CASD1: variants seen among roughly 807,000 people sequenced by gnomAD.
CASD1 encodes N-acetylneuraminate (7)9-O-acetyltransferase.
A neutral mutation model predicts 100.0 loss-of-function variants in CASD1; 41 were observed. The observed-to-expected ratio is 0.41, with a 90% CI of 0.32 to 0.53. The LOEUF is 0.53. Ranked by LOEUF, CASD1 falls within the 20% of genes least tolerant of loss-of-function variation. The pLI, the probability that CASD1 is intolerant of heterozygous loss-of-function variation, is 0.25. For synonymous variants in CASD1, 321 were observed against 315.6 expected (o/e 1.02, Z -0.18); for missense variants, 774 against 948.7 (o/e 0.82, Z 2.42).
intron 1 of CASD1, among the ~76,000 whole-genome samples, chr7:94,512,473 C>A (rs931814171): frequency 6.6e-6 from 1 of 152,140 alleles, no homozygotes; most frequent in Non-Finnish European, 1.5e-5. Context: ...AGAGTGAATG[C>A]AGTTTGGATA....
chr7:94,628,031 G>A, the CASD1 span: 1 of 560,874 alleles, frequency 1.8e-6, no homozygotes, highest in East Asian at 2.8e-5. Flanking sequence ...TATAAACAGA[G>A]AAGAATGGCA....
chr7:94,576,647 T>A, the CASD1 span, among the ~76,000 whole-genome samples: 2 of 152,202 alleles, frequency 1.3e-5, no homozygotes, highest in Non-Finnish European at 2.9e-5. Context: ...AAACTCTTGA[T>A]ACCAAGGCTT....
chr7:94,604,940 A>G, the CASD1 span, among the ~76,000 whole-genome samples: 4 of 149,648 alleles, frequency 2.7e-5, no homozygotes, highest in East Asian at 1.9e-4. Flanking sequence ...TGAGAAGCAT[A>G]TGTGAAATTC....
rs928795433 is a variant in CASD1 at position 94,532,698 on chromosome 7, T to C, written c.460-507T>C. 2.0e-5 allele frequency among the ~76,000 whole-genome samples: 3 copies of C among 152,204 alleles called. No homozygotes were observed. In the East Asian group the frequency reaches 5.8e-4, roughly 29 times the overall value. ...TTTGGTGAGGATTTTTAGGGATCTC[T>C]ACTTATATTTTTCCACATGTGGTCT... On this transcript the variant is annotated intron_variant, in intron 5 of 17. Coordinates refer to ENST00000297273, the MANE Select transcript of CASD1 (RefSeq NM_022900.5).
chr7:94,555,873 A>G lies in CASD1; in HGVS notation c.*115A>G, dbSNP rs1204689690. 9.4e-6 allele frequency: 10 copies of G among 1,069,518 alleles called. No individual in the cohort carries two copies. In the East Asian group the frequency reaches 1.2e-4, roughly 13 times the overall value. The allele number at this position is 1,069,518 out of a possible 1,614,324, so 66.3% of individuals were successfully genotyped here. A position where few individuals can be genotyped will look rare whatever the true frequency, so the allele number is the denominator to read the frequency against. On this transcript the variant is annotated 3_prime_UTR_variant, in exon 18 of 18. Coordinates refer to ENST00000297273, the MANE Select transcript of CASD1 (RefSeq NM_022900.5). ...TATGTAAATATAAACGTTTGTGGCA[A>G]GAGGACAGTTCTGTGACATCTGTTG... is the stretch of plus-strand genomic sequence containing the variant.
At chr7:94,569,451 C>A in the CASD1 span, among the ~76,000 whole-genome samples, 1 of 152,068 alleles carries the variant, frequency 6.6e-6, no homozygotes, top group Non-Finnish European at 1.5e-5. Flanking sequence ...TTTCAGAAAT[C>A]TGAGTATATT....
chr7:94,611,781 A>G, the CASD1 span, among the ~76,000 whole-genome samples: 1 of 152,156 alleles, frequency 6.6e-6, no homozygotes, highest in Non-Finnish European at 1.5e-5. Context: ...TGTGTTCGAG[A>G]ATATGTTCAC....
downstream of CASD1, among the ~76,000 whole-genome samples, chr7:94,559,308 G>GTGTGTGGGTGTGTA (rs1554417428): frequency 4.0e-5 from 5 of 123,764 alleles, no homozygotes; most frequent in East Asian, 1.4e-3. Context: ...GTGTGTGTAT[G>GTGTGTGGGTGTGTA]TGTGTGTGTG....
At chr7:94,530,767 G>T (rs996608732) in intron 5 of CASD1, among the ~76,000 whole-genome samples, 5 of 152,062 alleles carry the variant, frequency 3.3e-5, no homozygotes, top group Non-Finnish European at 7.4e-5. Context: ...AATAGGCAGA[G>T]AATTTAGAGA....
rs539788183 is a variant in CASD1, at chr7:94,516,235, A to G, written c.134-1325A>G. On this transcript the variant is annotated intron_variant, in intron 1 of 17. Transcript: ENST00000297273. Reference sequence around the variant, plus strand: ...CCCTGCTTTCCTTAACCAGTTTCCCATCAATAAGATAATGCAACATTTTAA... The same window carrying G: ...CCCTGCTTTCCTTAACCAGTTTCCCGTCAATAAGATAATGCAACATTTTAA... Among the ~76,000 whole-genome samples the G allele has an allele frequency of 6.6e-5, 10 of 152,174 alleles. No individual in the cohort carries two copies. In the South Asian group the frequency reaches 2.1e-3, roughly 32 times the overall value.
At position 94,510,071 on chromosome 7, in the gene CASD1, A is replaced by G; in HGVS notation, c.-14A>G. ...TCCCGCTCCGCCGCGCACTGTTGTC[A>G]TGGAGGAACCAAGATGGCGGCTCTG... is the stretch of plus-strand genomic sequence containing the variant. On this transcript the variant is annotated 5_prime_UTR_variant, in exon 1 of 18. The change abolishes an upstream ATG in the 5' untranslated region. Coordinates refer to ENST00000297273, the MANE Select transcript of CASD1 (RefSeq NM_022900.5). The G allele has an allele frequency of 5.3e-6, 8 of 1,512,044 alleles. No individual in the cohort carries two copies. Among genetic ancestry groups the G allele is most frequent in the Non-Finnish European group, 7.1e-6 (8 of 1,127,580 alleles). 93.7% of individuals were successfully genotyped at this position (1,512,044 alleles called of 1,614,324 possible).
chr7:94,593,954 C>G, the CASD1 span, among the ~76,000 whole-genome samples: 6 of 152,152 alleles, frequency 3.9e-5, no homozygotes, highest in Non-Finnish European at 8.8e-5. Flanking sequence ...CCATAACATA[C>G]ACTTCCACCA....
the CASD1 span, chr7:94,628,417 G>A: frequency 1.7e-3 from 2,381 of 1,431,258 alleles, 2 homozygotes; most frequent in Non-Finnish European, 2.2e-3. Context: ...ATGTTGCTTT[G>A]GTAGTTTCAA....
chr7:94,563,450 C>T, the CASD1 span, among the ~76,000 whole-genome samples: 1 of 151,964 alleles, frequency 6.6e-6, no homozygotes, highest in African/African-American at 2.4e-5. Context: ...CAATTTTTTT[C>T]TTAAAATGCC....
rs374247667 is a variant in CASD1, at chr7:94,537,540, A to G, written c.912A>G (p.Gln304=). 27 of 1,613,916 alleles carry G rather than the reference A, an allele frequency of 1.7e-5. No homozygotes were observed. The highest frequency in any genetic ancestry group is 6.6e-5 in the South Asian group (6 of 91,066). The part of the protein sequence containing the change: ...ILKPVDGSCC[Q]PRPPVTLIQK... ...AGCCTGTAGATGGGTCCTGTTGTCA[A>G]CCTCGGCCTCCTGTTACTCTCATAC... Residue 304 remains glutamine, a synonymous_variant, in exon 9 of 18, where the codon CAA becomes CAG. Transcript: ENST00000297273.
the CASD1 span, among the ~76,000 whole-genome samples, chr7:94,611,183 A>G: frequency 6.6e-6 from 1 of 152,236 alleles, no homozygotes; most frequent in Non-Finnish European, 1.5e-5. Flanking sequence ...TGTCTACACA[A>G]AGACTTGTAC....
At chr7:94,532,648 A>AT (rs1172335511) in intron 5 of CASD1, among the ~76,000 whole-genome samples, 2 of 152,218 alleles carry the variant, frequency 1.3e-5, no homozygotes, top group African/African-American at 2.4e-5. Context: ...ACCATATATA[A>AT]TGGGGGGAAA....
At chr7:94,632,380 G>C in the CASD1 span, among the ~76,000 whole-genome samples, 1 of 151,992 alleles carries the variant, frequency 6.6e-6, no homozygotes, top group African/African-American at 2.4e-5. Context: ...GCGTTCTACA[G>C]AGCCAAGACA....
At chr7:94,552,507 T>C (rs966766454) in intron 16 of CASD1, 80 bp downstream of exon 16, 3 of 1,006,226 alleles carry the variant, frequency 3.0e-6, no homozygotes, top group Admixed American at 2.4e-5. Context: ...AGATTTGAGA[T>C]TGAACTCCAG....
Sources: gnomAD v4.1 joint callset for allele counts (sites outside exome capture counted in the v4.1 genomes callset) on GRCh38, gnomAD v4.1.1 for gene constraint, MANE v1.5 for transcripts, NCBI Gene and HGNC (gene_info 2026-07-23, HGNC 2026-07-21) for gene names.